Variants in MRPS23 observed in about 807,000 individuals in gnomAD.
MRPS23 encodes mitochondrial ribosomal protein S23.
Under a neutral mutation model 19.8 loss-of-function variants are expected in MRPS23, and 14 were observed. The ratio of observed to expected loss-of-function variants is 0.71; its 90% CI spans 0.47 to 1.11. MRPS23 has a LOEUF of 1.11. Among genes scored for constraint, MRPS23 ranks in the 50% least tolerant of loss-of-function variants. The pLI is 0.00. For missense variants in MRPS23, 242 were observed against 236.7 expected, an observed-to-expected ratio of 1.02 and a Z score of -0.15; for synonymous variants, 113 against 89.7, an observed-to-expected ratio of 1.26 and a Z score of -1.47.
chr17:57,848,374 T>A (rs2073790020), intron 2 of MRPS23, among the ~76,000 whole-genome samples: 1 of 151,730 alleles, frequency 6.6e-6, no homozygotes, highest in Admixed American at 6.6e-5. Flanking sequence ...AAAGAACACA[T>A]GATTTTCCTT....
Position 57,849,233 on chromosome 17 carries a change from C to T in MRPS23, c.215+7G>A, listed in dbSNP as rs577420558. 23 of 1,613,968 alleles carry T rather than the reference C, an allele frequency of 1.4e-5. No homozygotes were observed. Among genetic ancestry groups the T allele is most frequent in the Non-Finnish European group, 1.9e-5 (22 of 1,179,876 alleles). On this transcript the variant is annotated splice_region_variant and intron_variant, in intron 2 of 4. Transcript: ENST00000313608. ...GCCTCCTGTCCACTACAGGGCTGAG[C>T]ACTCACGCTCTAATCCGATCCTCGT...
At chr17:57,849,778 A>G in intron 1 of MRPS23, 189 bp downstream of exon 1, 1 of 684,814 alleles carries the variant, frequency 1.5e-6, no homozygotes, top group Non-Finnish European at 2.4e-6. Flanking sequence ...ACATAAATTC[A>G]AGGAGAGGCA....
chr17:57,848,341 G>C (rs1255668096), intron 2 of MRPS23, among the ~76,000 whole-genome samples: 1 of 145,928 alleles, frequency 6.9e-6, no homozygotes, highest in Non-Finnish European at 1.5e-5. Context: ...AAAAAAAAGA[G>C]AAAAGGGATG....
chr17:57,840,203 C>T (rs192240730), intron 4 of MRPS23, among the ~76,000 whole-genome samples: 2 of 152,176 alleles, frequency 1.3e-5, no homozygotes, highest in Non-Finnish European at 1.5e-5. Flanking sequence ...CTGGCTAACA[C>T]GGTGAAACCC....
intron 2 of MRPS23, among the ~76,000 whole-genome samples, chr17:57,846,937 T>A (rs567696338): frequency 7.2e-5 from 10 of 138,732 alleles, no homozygotes; most frequent in Admixed American, 3.5e-4. Flanking sequence ...TAAAAAATAA[T>A]AAAAATAAAT....
Position 57,834,926 on chromosome 17 carries a change from G to A in MRPS23, c.*4857C>T, listed in dbSNP as rs2073695877. On this transcript the variant is annotated 3_prime_UTR_variant, in exon 5 of 5. Transcript: ENST00000313608. ...AAAGTGTTCTACAAAACTACAAGAA[G>A]AATCAGGCTAGCCTTTTAAGGACAT... 6.6e-6 allele frequency: 1 copy of A among 152,104 alleles called. No homozygotes were observed. Among genetic ancestry groups the A allele is most frequent in the African/African-American group, 2.4e-5 (1 of 41,422 alleles). 9.4% of individuals were successfully genotyped at this position (152,104 alleles called of 1,614,324 possible).
chr17:57,849,449 T>C, intron 1 of MRPS23, 39 bp from the exon 2 acceptor site: 1 of 1,603,868 alleles, frequency 6.2e-7, no homozygotes, highest in Non-Finnish European at 8.5e-7. Flanking sequence ...TCACTTGCAG[T>C]AGCCTGCCAA....
rs982538282 is a variant in MRPS23, at chr17:57,840,069, A to G, written c.421-134T>C. 87 of 1,048,902 alleles carry G rather than the reference A, an allele frequency of 8.3e-5. No individual in the cohort carries two copies. The African/African-American group carries it at 1.2e-3, about 15-fold the overall frequency. 65.0% of individuals were successfully genotyped at this position (1,048,902 alleles called of 1,614,324 possible). A position where few individuals can be genotyped will look rare whatever the true frequency, so the allele number is the denominator to read the frequency against. ...CTAATATCTTAGATCCAATTCTACT[A>G]TAACAAATAGTAAACATGATTTTAA... On this transcript the variant is annotated intron_variant, in intron 4 of 4. Transcript: ENST00000313608.
chr17:57,846,775 T>A (rs1384547257), intron 2 of MRPS23, among the ~76,000 whole-genome samples: 1 of 152,064 alleles, frequency 6.6e-6, no homozygotes, highest in Non-Finnish European at 1.5e-5. Context: ...ACACAAACAC[T>A]GCGGAAGAAC....
At position 57,849,408 on chromosome 17, in the gene MRPS23, G is replaced by A; in HGVS notation, c.47C>T (p.Thr16Ile). The change falls in exon 2 of 5, where the codon ACT (threonine) becomes ATT (isoleucine). Residue 16 changes from threonine (T) to isoleucine (I), a missense_variant and splice_region_variant. Thr to Ile is a moderately conservative substitution (Grantham distance 89). Transcript: ENST00000313608. ...LETVGSIFSR[T>I]RDLVRAGVLK... ...CACCCCGGCCCGAACCAGGTCCCGAGTCCTTAGGGAGGGAACAGAACGAAA... is the reference window on the plus strand; with the variant it reads ...CACCCCGGCCCGAACCAGGTCCCGAATCCTTAGGGAGGGAACAGAACGAAA... 1 of 1,613,674 alleles carries A rather than the reference G, an allele frequency of 6.2e-7. No homozygotes were observed. The highest frequency in any genetic ancestry group is 8.5e-7 in the Non-Finnish European group (1 of 1,179,928).
intron 2 of MRPS23, among the ~76,000 whole-genome samples, chr17:57,848,249 G>T (rs1230299322): frequency 5.9e-5 from 9 of 151,544 alleles, no homozygotes; most frequent in African/African-American, 2.2e-4. Context: ...CTTTCTTTGT[G>T]TATCTAAATT....
rs377512876 is a variant in MRPS23, at chr17:57,846,732, T to G, written c.215+2508A>C. 7.3e-5 allele frequency among the ~76,000 whole-genome samples: 11 copies of G among 151,144 alleles called. No individual in the cohort carries two copies. In the East Asian group the frequency reaches 1.8e-3, roughly 24 times the overall value. On this transcript the variant is annotated intron_variant, in intron 2 of 4. Coordinates refer to ENST00000313608, the MANE Select transcript of MRPS23 (RefSeq NM_016070.4). ...TTGAAGGCAGCATGCTCGTTAAGAG[T>G]CATCACCACTCCCTAATCTCAAGTA...
At chr17:57,846,186 G>A (rs1013070419) in intron 2 of MRPS23, among the ~76,000 whole-genome samples, 91 of 150,488 alleles carry the variant, frequency 6.0e-4, no homozygotes, top group African/African-American at 2.2e-3. Context: ...TCCGCCAGCC[G>A]CCCCGTCCGG....
At chr17:57,840,007 A>G (rs2073731016) in intron 4 of MRPS23, 72 bp from the exon 5 acceptor site, 2 of 1,558,048 alleles carry the variant, frequency 1.3e-6, no homozygotes, top group Non-Finnish European at 1.8e-6. Flanking sequence ...AAGATATATA[A>G]CTAGGCACAT....
rs956622315 is a variant in MRPS23, at chr17:57,836,674, A to T, written c.*3109T>A. 31 of 106,444 alleles carry T rather than the reference A, an allele frequency of 2.9e-4. No individual in the cohort carries two copies. The highest frequency in any genetic ancestry group is 9.1e-4 in the African/African-American group (31 of 34,068). The allele number at this position is 106,444 out of a possible 1,614,324, so 6.6% of individuals were successfully genotyped here. A position where few individuals can be genotyped will look rare whatever the true frequency, so the allele number is the denominator to read the frequency against. ...CTTGTAGTCCCAACTCGATTTTAAG[A>T]TTTTTTTTTTTTTTTTTTTGAGACA... On this transcript the variant is annotated 3_prime_UTR_variant, in exon 5 of 5. Transcript: ENST00000313608.
At position 57,839,519 on chromosome 17, in the gene MRPS23, A is replaced by G. The variant is rs2073727345; in HGVS notation, c.*264T>C. 3.2e-6 allele frequency: 1 copy of G among 308,854 alleles called. No individual in the cohort carries two copies. The allele number at this position is 308,854 out of a possible 1,614,324, so 19.1% of individuals were successfully genotyped here. On this transcript the variant is annotated 3_prime_UTR_variant, in exon 5 of 5. Transcript: ENST00000313608. The stretch of plus-strand genomic sequence containing the variant: ...GAACAATCTTTATAAAGGTTTCTTC[A>G]TGTTATTTACAATTCAAAGTAAATT...
At chr17:57,843,791 C>T (rs1002121773) in intron 2 of MRPS23, among the ~76,000 whole-genome samples, 5 of 152,176 alleles carry the variant, frequency 3.3e-5, no homozygotes, top group East Asian at 3.8e-4. Flanking sequence ...TATGGTAATT[C>T]GTTACACAGT....
At chr17:57,849,219 A>G in intron 2 of MRPS23, 21 bp downstream of exon 2, 1 of 1,606,920 alleles carries the variant, frequency 6.2e-7, no homozygotes, top group Non-Finnish European at 8.5e-7. Context: ...CCTCCTGTCC[A>G]CTACAGGGCT....
Position 57,836,411 on chromosome 17 carries a change from G to C in MRPS23, c.*3372C>G, listed in dbSNP as rs926849810. On this transcript the variant is annotated 3_prime_UTR_variant, in exon 5 of 5. Transcript: ENST00000313608. ...AGGGACTTGATATTATGTATTTTCC[G>C]AGCACAGACAGCATTTGAAAACGGC... The C allele has an allele frequency of 6.6e-6, 1 of 152,120 alleles. No homozygotes were observed. Among genetic ancestry groups the C allele is most frequent in the Non-Finnish European group, 1.5e-5 (1 of 68,038 alleles). 9.4% of individuals were successfully genotyped at this position (152,120 alleles called of 1,614,324 possible).
Sources: gnomAD v4.1 joint callset for allele counts (sites outside exome capture counted in the v4.1 genomes callset) on GRCh38, gnomAD v4.1.1 for gene constraint, MANE v1.5 for transcripts, NCBI Gene and HGNC (gene_info 2026-07-23, HGNC 2026-07-21) for gene names.